CCDC9: variants seen among roughly 807,000 people sequenced by gnomAD.
The protein encoded by CCDC9 is coiled-coil domain-containing protein 9.
In CCDC9, 52 loss-of-function variants were observed where a neutral mutation model predicts 65.6. The ratio of observed to expected loss-of-function variants is 0.79; its 90% CI spans 0.63 to 1.00. The LOEUF is 1.00. CCDC9 is among the 50% of genes least tolerant of loss of function. The pLI, the probability that CCDC9 is intolerant of heterozygous loss-of-function variation, is 0.00. For synonymous variants in CCDC9, 332 were observed against 280.3 expected (o/e 1.18, Z -1.84); for missense variants, 834 against 757.2 (o/e 1.10, Z -1.19).
chr19:47,262,545 C>G (rs2059052947), intron 5 of CCDC9, among the ~76,000 whole-genome samples: 1 of 152,020 alleles, frequency 6.6e-6, no homozygotes, highest in South Asian at 2.1e-4. Context: ...CTTGGTGGCC[C>G]CTAGGTCCTG....
In CCDC9 at chr19:47,260,352, T is replaced by A; in HGVS notation, c.140T>A (p.Leu47His). ...GAGGAAGACCGTAAGAAAGCTGAAC[T>A]TGAGGGAGTCGCAGTCACAGCTCCC... ...EIEEDRKKAE[L>H]EGVAVTAPRK... The change falls in exon 4 of 12, where the codon CTT becomes CAT. Residue 47 changes from leucine (L) to histidine (H), a missense_variant. Physicochemically the swap from Leu to His is moderately conservative, Grantham distance 99. Coordinates refer to ENST00000221922, the MANE Select transcript of CCDC9 (RefSeq NM_015603.3). The A allele has an allele frequency of 6.2e-7, 1 of 1,600,336 alleles. No individual in the cohort carries two copies. Among genetic ancestry groups the A allele is most frequent in the South Asian group, 1.1e-5 (1 of 88,984 alleles).
rs1158302196 is a variant in CCDC9, at chr19:47,265,984, C to CTT, written c.721-599_721-598dup. Reference sequence around the variant, plus strand: ...TACAGGCGTGAGCCACCGCTCCTGGCTTTTTTTTTTTTTTTTTTTTTTTTT... The same window carrying CTT: ...TACAGGCGTGAGCCACCGCTCCTGGCTTTTTTTTTTTTTTTTTTTTTTTTTTT... On this transcript the variant is annotated intron_variant, in intron 7 of 11. Coordinates refer to ENST00000221922, the MANE Select transcript of CCDC9 (RefSeq NM_015603.3). Among the ~76,000 whole-genome samples the CTT allele has an allele frequency of 7.6e-3, 554 of 72,608 alleles. 146 individuals are homozygous for CTT. Among genetic ancestry groups the CTT allele is most frequent in the African/African-American group, 0.043 (527 of 12,226 alleles). 47.6% of individuals were successfully genotyped at this position (72,608 alleles called of 152,430 possible). A position where few individuals can be genotyped will look rare whatever the true frequency, so the allele number is the denominator to read the frequency against.
At chr19:47,268,230 C>A (rs1246492172) in intron 8 of CCDC9, among the ~76,000 whole-genome samples, 1 of 152,148 alleles carries the variant, frequency 6.6e-6, no homozygotes, top group African/African-American at 2.4e-5. Context: ...GCAAAGCCCT[C>A]ATTGCATCAT....
chr19:47,268,574 T>C (rs142935699), intron 8 of CCDC9, among the ~76,000 whole-genome samples: 2 of 152,214 alleles, frequency 1.3e-5, no homozygotes, highest in Non-Finnish European at 1.5e-5. Context: ...TGAGAAAGTA[T>C]TTGTTTTTCT....
At chr19:47,265,703 T>C (rs2059077283) in intron 7 of CCDC9, among the ~76,000 whole-genome samples, 1 of 151,848 alleles carries the variant, frequency 6.6e-6, no homozygotes, top group South Asian at 2.1e-4. Flanking sequence ...TTTTTTTTTT[T>C]TTGAGATGGA....
intron 1 of CCDC9, 146 bp from the exon 2 acceptor site, chr19:47,258,184 C>T (rs771312621): frequency 1.0e-5 from 6 of 597,822 alleles, no homozygotes; most frequent in Non-Finnish European, 1.8e-5. Flanking sequence ...ATGGAGGTGG[C>T]AGTTGAAAGG....
downstream of CCDC9, chr19:47,274,886 C>T (rs1470655688): frequency 4.9e-5 from 60 of 1,226,282 alleles, no homozygotes; most frequent in Middle Eastern, 9.7e-4. Context: ...GGGGCCTGTG[C>T]GGTCTGCGGC....
chr19:47,274,930 C>G (rs1421941314), downstream of CCDC9: 1 of 1,335,280 alleles, frequency 7.5e-7, no homozygotes, highest in Non-Finnish European at 9.5e-7. Context: ...ATGCGGGGGA[C>G]CAGCTGCGTG....
Position 47,258,390 on chromosome 19 carries a change from C to T in CCDC9, c.-11C>T, listed in dbSNP as rs1269913881. 6.2e-7 allele frequency: 1 copy of T among 1,613,906 alleles called. No individual in the cohort carries two copies. Among genetic ancestry groups the T allele is most frequent in the Non-Finnish European group, 8.5e-7 (1 of 1,179,848 alleles). ...GGTTTGCTGGGACCTTGGCTCCACG[C>T]AGCCAGCGAAATGGTGAGGCTGAAA... On this transcript the variant is annotated 5_prime_UTR_variant, in exon 2 of 12. Coordinates refer to ENST00000221922, the MANE Select transcript of CCDC9 (RefSeq NM_015603.3).
downstream of CCDC9, chr19:47,275,290 C>G (rs1041737272): frequency 6.5e-7 from 1 of 1,546,078 alleles, no homozygotes; most frequent in Non-Finnish European, 8.7e-7. Flanking sequence ...GACCGCCGTC[C>G]GAGCCGCCAG....
In CCDC9 at chr19:47,259,726, C is replaced by T. The variant is rs190104526; in HGVS notation, c.109-595C>T. ...ACTTGGGATACACGTCAGTGACATA[C>T]ATCACTGAAAGCAGACAGACATTCC... is the stretch of plus-strand genomic sequence containing the variant. On this transcript the variant is annotated intron_variant, in intron 3 of 11. Transcript: ENST00000221922. 1.7e-3 allele frequency among the ~76,000 whole-genome samples: 252 copies of T among 152,338 alleles called. 1 individual carries two copies. The highest frequency in any genetic ancestry group is 5.6e-3 in the African/African-American group (231 of 41,574).
intron 3 of CCDC9, among the ~76,000 whole-genome samples, chr19:47,259,314 T>G (rs938441837): frequency 6.6e-6 from 1 of 152,024 alleles, no homozygotes; most frequent in Non-Finnish European, 1.5e-5. Context: ...CTGAGGGCAC[T>G]GGGGAGCCAG....
chr19:47,258,792 C>T, intron 3 of CCDC9, 129 bp downstream of exon 3: 2 of 663,188 alleles, frequency 3.0e-6, no homozygotes, highest in Non-Finnish European at 5.4e-6. Flanking sequence ...AAGGCCTTAG[C>T]CTGACATCCC....
chr19:47,268,080 C>T (rs989127167), intron 8 of CCDC9, among the ~76,000 whole-genome samples: 1 of 152,116 alleles, frequency 6.6e-6, no homozygotes, highest in African/African-American at 2.4e-5. Context: ...AACTCCTGAC[C>T]TCATGATTCA....
chr19:47,273,391 C>A, downstream of CCDC9: 1 of 1,231,904 alleles, frequency 8.1e-7, no homozygotes, highest in Non-Finnish European at 1.0e-6. Context: ...CGGCGGAGAT[C>A]ACCGACTTCC....
At chr19:47,259,113 C>T (rs1480926363) in intron 3 of CCDC9, among the ~76,000 whole-genome samples, 2 of 152,102 alleles carry the variant, frequency 1.3e-5, no homozygotes, top group Non-Finnish European at 2.9e-5. Flanking sequence ...GGTGAGTAGA[C>T]AATAGCCAGT....
chr19:47,275,673 A>G (rs1568646104), downstream of CCDC9: 1 of 398,182 alleles, frequency 2.5e-6, no homozygotes, highest in Non-Finnish European at 4.7e-6. Context: ...GTCCATCTGC[A>G]ATAAACGACA....
Position 47,270,676 on chromosome 19 carries a change from C to T in CCDC9, c.1073C>T (p.Pro358Leu). The change falls in exon 10 of 12, where the codon CCC becomes CTC. Residue 358 changes from proline to leucine, a missense_variant. Coordinates refer to ENST00000221922, the MANE Select transcript of CCDC9 (RefSeq NM_015603.3). ...KSSRPQAKAA[P>L]RAYSDHDDRW... ...AGTCGGCCCCAGGCCAAGGCAGCGC[C>T]CAGGGCCTACAGGTGGGGCACCCCT... 1 of 1,611,196 alleles carries T rather than the reference C, an allele frequency of 6.2e-7. No homozygotes were observed. Among genetic ancestry groups the T allele is most frequent in the Non-Finnish European group, 8.5e-7 (1 of 1,179,826 alleles).
chr19:47,260,448 C>A, intron 4 of CCDC9, 26 bp downstream of exon 4: 4 of 1,608,320 alleles, frequency 2.5e-6, no homozygotes, highest in South Asian at 1.1e-5. Flanking sequence ...GGGTGTGGGA[C>A]CCTGAGGATG....
Sources: gnomAD v4.1 joint callset for allele counts (sites outside exome capture counted in the v4.1 genomes callset) on GRCh38, gnomAD v4.1.1 for gene constraint, MANE v1.5 for transcripts, NCBI Gene and HGNC (gene_info 2026-07-23, HGNC 2026-07-21) for gene names.